The following SMAD1 variants were observed in gnomAD, a reference collection of about 807,000 sequenced individuals.
SMAD1 encodes SMAD family member 1, also known as MAD, mothers against decapentaplegic homolog 1.
Under a neutral mutation model 41.6 loss-of-function variants are expected in SMAD1, and 6 were observed. The ratio of observed to expected loss-of-function variants is 0.14; its 90% CI spans 0.08 to 0.28. The LOEUF (loss-of-function observed/expected upper bound fraction) is 0.28. SMAD1 is among the 10% of genes least tolerant of loss of function. The probability of loss-of-function intolerance (pLI) is 1.00; values close to 1 mark genes in which losing one functional copy is unlikely to be tolerated. For missense variants in SMAD1, 379 were observed against 582.6 expected (o/e 0.65, Z 3.60); for synonymous variants, 206 against 203.2 (o/e 1.01, Z -0.12).
chr4:145,500,398 C>T (rs1222309142), intron 1 of SMAD1, among the ~76,000 whole-genome samples: 1 of 152,160 alleles, frequency 6.6e-6, no homozygotes, highest in Admixed American at 6.5e-5. Flanking sequence ...TCACTCCATT[C>T]CAGCCTCAGT....
At chr4:145,492,752 C>A (rs1392564970) in intron 1 of SMAD1, among the ~76,000 whole-genome samples, 2 of 152,230 alleles carry the variant, frequency 1.3e-5, no homozygotes, top group Non-Finnish European at 2.9e-5. Flanking sequence ...TGCCAGCCAA[C>A]AGTCAATCAT....
chr4:145,524,628 T>A (rs1467870146), intron 2 of SMAD1, among the ~76,000 whole-genome samples: 2 of 152,220 alleles, frequency 1.3e-5, no homozygotes, highest in African/African-American at 4.8e-5. Flanking sequence ...TCTTCTGCTT[T>A]ATTATTTTTC....
chr4:145,522,451 A>G (rs2126449368), intron 2 of SMAD1, among the ~76,000 whole-genome samples: 1 of 151,828 alleles, frequency 6.6e-6, no homozygotes, highest in African/African-American at 2.4e-5. Flanking sequence ...AAAATACAAA[A>G]TTAGCCCACG....
At chr4:145,504,595 G>A (rs770502640) in intron 1 of SMAD1, among the ~76,000 whole-genome samples, 8 of 152,038 alleles carry the variant, frequency 5.3e-5, no homozygotes, top group Non-Finnish European at 1.2e-4. Context: ...TGTTTTTTAG[G>A]GGTACTATTT....
chr4:145,517,014 C>T (rs904687494), intron 2 of SMAD1: 1 of 152,258 alleles, frequency 6.6e-6, no homozygotes, highest in Non-Finnish European at 1.5e-5. Context: ...CTGCGCTAAC[C>T]TTCCAGCATT....
intron 2 of SMAD1, among the ~76,000 whole-genome samples, chr4:145,516,491 A>T (rs1031638734): frequency 6.6e-6 from 1 of 152,190 alleles, no homozygotes; most frequent in African/African-American, 2.4e-5. Context: ...TCCTGCACTT[A>T]CTAGATTTAT....
chr4:145,486,138 A>G lies in SMAD1; in HGVS notation c.-177+4100A>G, dbSNP rs1037118370. ...ATTTTGTAGGTCTTTAAATAAATTT[A>G]CCTTCTATTGTGCCTTTCTGGGCTA... On this transcript the variant is annotated intron_variant, in intron 1 of 6. Coordinates refer to ENST00000302085, the MANE Select transcript of SMAD1 (RefSeq NM_005900.3). 3.3e-5 allele frequency among the ~76,000 whole-genome samples: 5 copies of G among 152,244 alleles called. No homozygotes were observed. The East Asian group carries it at 9.7e-4, about 29-fold the overall frequency.
chr4:145,535,805 TGA>T (rs1295017096), intron 2 of SMAD1, among the ~76,000 whole-genome samples: 5 of 151,964 alleles, frequency 3.3e-5, no homozygotes, highest in Non-Finnish European at 7.4e-5. Flanking sequence ...ACAATAAGAA[TGA>T]GAGAGGGGAA....
intron 1 of SMAD1, among the ~76,000 whole-genome samples, chr4:145,495,178 G>A (rs1260686257): frequency 1.3e-5 from 2 of 152,150 alleles, no homozygotes; most frequent in African/African-American, 2.4e-5. Flanking sequence ...CAGGGATGCA[G>A]CCAAACATCC....
intron 1 of SMAD1, among the ~76,000 whole-genome samples, chr4:145,495,195 G>A (rs185077842): frequency 5.1e-4 from 78 of 152,266 alleles, no homozygotes; most frequent in Middle Eastern, 3.4e-3. Context: ...ATCCTGTAAT[G>A]CTAAAGTTGA....
intron 4 of SMAD1, among the ~76,000 whole-genome samples, chr4:145,543,621 C>T (rs7662543): frequency 0.4 from 60,397 of 151,986 alleles, 13,867 homozygotes; most frequent in Non-Finnish European, 0.53. Flanking sequence ...GATTCCAGCG[C>T]TGTATATATC....
rs1731822206 is a variant in SMAD1, at chr4:145,539,884, C to G, written c.481C>G (p.Gln161Glu). The change falls in exon 3 of 7, where the codon CAA becomes GAA. Residue 161 changes from glutamine (Q) to glutamate (E), a missense_variant. By Grantham distance (29) the Gln-to-Glu change is conservative (BLOSUM62 2). Coordinates refer to ENST00000302085, the MANE Select transcript of SMAD1 (RefSeq NM_005900.3). The stretch of plus-strand genomic sequence containing the variant: ...CTTAGCTCAGTTCCGTAACTTAGGA[C>G]AAAATGAGCCTCACATGCCACTCAA... ...SLLAQFRNLG[Q>E]NEPHMPLNAT... The G allele has an allele frequency of 1.2e-6, 2 of 1,613,878 alleles. No individual in the cohort carries two copies. The highest frequency in any genetic ancestry group is 1.7e-6 in the Non-Finnish European group (2 of 1,179,998).
At chr4:145,542,499 A>T in intron 3 of SMAD1, 83 bp from the exon 4 acceptor site, 1 of 737,432 alleles carries the variant, frequency 1.4e-6, no homozygotes, top group South Asian at 2.3e-5. Context: ...ATCTCTTGAG[A>T]ATTTCAGTAC....
intron 5 of SMAD1, among the ~76,000 whole-genome samples, chr4:145,553,571 G>C (rs1372689752): frequency 6.6e-6 from 1 of 152,154 alleles, no homozygotes; most frequent in Admixed American, 6.5e-5. Flanking sequence ...CTCACCTCCT[G>C]CTATGTGGCC....
intron 2 of SMAD1, among the ~76,000 whole-genome samples, chr4:145,518,278 A>G (rs988539505): frequency 8.0e-6 from 1 of 125,498 alleles, no homozygotes; most frequent in African/African-American, 2.5e-5. Context: ...ACTCTGTCTC[A>G]GAAAAATAAA....
chr4:145,502,768 T>A (rs932878050), intron 1 of SMAD1: 1 of 152,218 alleles, frequency 6.6e-6, no homozygotes, highest in Admixed American at 6.5e-5. Flanking sequence ...TTGAAATTGT[T>A]TGGCTGAAAT....
Position 145,558,320 on chromosome 4 carries a change from T to C in SMAD1, c.*386T>C, listed in dbSNP as rs1732960849. 6.6e-6 allele frequency among the ~76,000 whole-genome samples: 1 copy of C among 152,238 alleles called. No homozygotes were observed. Among genetic ancestry groups the C allele is most frequent in the Non-Finnish European group, 1.5e-5 (1 of 68,032 alleles). Reference sequence around the variant, plus strand: ...TCGTTGGGCAGAAGTTTAGCATTAATAGTTGTTCTGAAACGTGTTTTATCA... The same window carrying C: ...TCGTTGGGCAGAAGTTTAGCATTAACAGTTGTTCTGAAACGTGTTTTATCA... On this transcript the variant is annotated 3_prime_UTR_variant, in exon 7 of 7. Coordinates refer to ENST00000302085, the MANE Select transcript of SMAD1 (RefSeq NM_005900.3).
In SMAD1 at chr4:145,506,965, A is replaced by T. The variant is rs79065697; in HGVS notation, c.-176-7473A>T. ...AAATTAATTAGCCGTGTCGAGTAGT[A>T]TAAGAGTATTTTTCTAATTTCACTT... On this transcript the variant is annotated intron_variant, in intron 1 of 6. Transcript: ENST00000302085. Among the ~76,000 whole-genome samples, 99 of 152,308 alleles carry T rather than the reference A, an allele frequency of 6.5e-4. 1 individual carries two copies. In the East Asian group the frequency reaches 0.017, roughly 26 times the overall value.
intron 5 of SMAD1, among the ~76,000 whole-genome samples, chr4:145,548,156 A>G (rs1248185172): frequency 1.3e-5 from 2 of 152,214 alleles, no homozygotes; most frequent in Non-Finnish European, 2.9e-5. Flanking sequence ...GCCAACTCTC[A>G]GACAATTTGA....
Sources: gnomAD v4.1 joint callset for allele counts (sites outside exome capture counted in the v4.1 genomes callset) on GRCh38, gnomAD v4.1.1 for gene constraint, MANE v1.5 for transcripts, NCBI Gene and HGNC (gene_info 2026-07-23, HGNC 2026-07-21) for gene names.